Variants in NKAIN3 observed in about 807,000 individuals in gnomAD.
The protein encoded by NKAIN3 is sodium/potassium transporting ATPase interacting 3.
NKAIN3 carries 25 observed loss-of-function variants against 30.2 expected under a neutral mutation model. The ratio of observed to expected loss-of-function variants is 0.83; its 90% CI spans 0.60 to 1.16. The LOEUF is 1.16. Among genes scored for constraint, NKAIN3 ranks in the 50% most tolerant of loss-of-function variants. NKAIN3 has a pLI of 0.00. For missense variants in NKAIN3, 225 were observed against 254.1 expected (o/e 0.89, Z 0.78); for synonymous variants, 91 against 89.6 (o/e 1.02, Z -0.09).
intron 4 of NKAIN3, among the ~76,000 whole-genome samples, chr8:62,858,434 A>G (rs1586277236): frequency 6.6e-6 from 1 of 152,292 alleles, no homozygotes; most frequent in South Asian, 2.1e-4. Context: ...AGCACCCCAA[A>G]GCCCACAAGC....
At chr8:62,995,530 C>T (rs888843018) in intron 5 of NKAIN3, among the ~76,000 whole-genome samples, 1 of 151,712 alleles carries the variant, frequency 6.6e-6, no homozygotes, top group Non-Finnish European at 1.5e-5. Context: ...GGGTTGTTGC[C>T]GAACTAAAAA....
At chr8:62,678,755 A>G (rs900719018) in intron 3 of NKAIN3, among the ~76,000 whole-genome samples, 3 of 151,680 alleles carry the variant, frequency 2.0e-5, no homozygotes, top group Non-Finnish European at 4.4e-5. Context: ...AAAAATATCT[A>G]GAAAATAGTT....
chr8:62,860,083 A>T (rs984548340), intron 4 of NKAIN3, among the ~76,000 whole-genome samples: 4 of 152,164 alleles, frequency 2.6e-5, no homozygotes, highest in Non-Finnish European at 5.9e-5. Context: ...TTAAGCTTGG[A>T]TAGGTGGGTA....
At chr8:62,407,281 ATG>A (rs931868759) in intron 1 of NKAIN3, among the ~76,000 whole-genome samples, 1 of 151,404 alleles carries the variant, frequency 6.6e-6, no homozygotes, top group Non-Finnish European at 1.5e-5. Context: ...TTATATGTAT[ATG>A]TGTGTATATA....
At position 62,249,012 on chromosome 8, in the gene NKAIN3, G is replaced by A. The variant is rs779484912; in HGVS notation, c.-62G>A. On this transcript the variant is annotated 5_prime_UTR_variant, in exon 1 of 7. Transcript: ENST00000623646. ...GGCGGGGACTACTCCGGAGTCAGGA[G>A]GCAGCAGCGGCGGAGGACGAGGATC... 175 of 1,447,238 alleles carry A rather than the reference G, an allele frequency of 1.2e-4. No individual in the cohort carries two copies. The highest frequency in any genetic ancestry group is 1.5e-4 in the Non-Finnish European group (163 of 1,068,732). The allele number at this position is 1,447,238 out of a possible 1,614,324, so 89.6% of individuals were successfully genotyped here.
intron 4 of NKAIN3, among the ~76,000 whole-genome samples, chr8:62,859,540 G>C (rs916152241): frequency 1.4e-4 from 7 of 49,492 alleles, no homozygotes; most frequent in African/African-American, 3.5e-4. Context: ...AAGTAGCCTA[G>C]TTACATTTAA....
At position 62,867,099 on chromosome 8, in the gene NKAIN3, GAAA is replaced by G. The variant is rs10562561; in HGVS notation, c.472-51340_472-51338del. Among the ~76,000 whole-genome samples, 827 of 130,050 alleles carry G rather than the reference GAAA, an allele frequency of 6.4e-3. 5 individuals carry two copies. Among genetic ancestry groups the G allele is most frequent in the African/African-American group, 0.021 (748 of 35,660 alleles). The allele number at this position is 130,050 out of a possible 152,430, so 85.3% of individuals were successfully genotyped here. On this transcript the variant is annotated intron_variant, in intron 4 of 6. Transcript: ENST00000623646. ...ACTGTTTTGTTTTGCTTTGTTTCCA[GAAA>G]AAAAAAAAAAAAAGAAAAGGGTAAA...
chr8:62,306,393 A>T lies in NKAIN3; in HGVS notation c.54+57266A>T, dbSNP rs569656727. Among the ~76,000 whole-genome samples, 27 of 150,448 alleles carry T rather than the reference A, an allele frequency of 1.8e-4. 1 individual carries two copies. In the South Asian group the frequency reaches 5.2e-3, roughly 29 times the overall value. ...ACAATAAAACATTTCAGAAAGATAA[A>T]CTATTAAAGCAGAATGCAATAATTA... On this transcript the variant is annotated intron_variant, in intron 1 of 6. Transcript: ENST00000623646.
intron 3 of NKAIN3, among the ~76,000 whole-genome samples, chr8:62,684,397 T>C (rs1813733613): frequency 6.6e-6 from 1 of 152,222 alleles, no homozygotes; most frequent in Non-Finnish European, 1.5e-5. Context: ...TTCCACACCC[T>C]AACAAAGTCT....
chr8:62,812,803 C>T (rs903686594), intron 4 of NKAIN3, among the ~76,000 whole-genome samples: 6 of 151,784 alleles, frequency 4.0e-5, no homozygotes, highest in Admixed American at 2.0e-4. Context: ...GATGATGTCA[C>T]ACTTTAACTG....
intron 6 of NKAIN3, among the ~76,000 whole-genome samples, chr8:62,957,386 G>A (rs1028393430): frequency 2.0e-5 from 3 of 152,088 alleles, no homozygotes; most frequent in South Asian, 2.1e-4. Context: ...CGCCCCCTTC[G>A]GCCTCCCAAA....
At chr8:62,298,069 A>G (rs1315292393) in intron 1 of NKAIN3, among the ~76,000 whole-genome samples, 1 of 151,232 alleles carries the variant, frequency 6.6e-6, no homozygotes, top group Non-Finnish European at 1.5e-5. Context: ...AAACTATCAC[A>G]AGAACAAAAA....
chr8:62,715,942 T>A (rs1392083959), intron 3 of NKAIN3, among the ~76,000 whole-genome samples: 1 of 152,140 alleles, frequency 6.6e-6, no homozygotes, highest in Non-Finnish European at 1.5e-5. Flanking sequence ...GAAGATGACA[T>A]AAAGGCACTT....
At chr8:62,890,657 A>G (rs1367008535) in intron 4 of NKAIN3, among the ~76,000 whole-genome samples, 1 of 152,216 alleles carries the variant, frequency 6.6e-6, no homozygotes, top group Non-Finnish European at 1.5e-5. Context: ...CTGGAGCACC[A>G]TTAGATGTTG....
intron 5 of NKAIN3, among the ~76,000 whole-genome samples, chr8:62,944,760 A>G (rs35199982): frequency 0.09 from 13,681 of 152,220 alleles, 744 homozygotes; most frequent in East Asian, 0.23. Flanking sequence ...AATCTTGATG[A>G]GTAAGTCCTA....
chr8:62,878,002 T>C (rs1219059258), intron 4 of NKAIN3, among the ~76,000 whole-genome samples: 1 of 140,452 alleles, frequency 7.1e-6, no homozygotes, highest in Non-Finnish European at 1.5e-5. Flanking sequence ...ATTATGCCAT[T>C]GCACTCCAGC....
chr8:62,456,329 G>T (rs1292050700), intron 1 of NKAIN3, among the ~76,000 whole-genome samples: 3 of 151,970 alleles, frequency 2.0e-5, no homozygotes, highest in African/African-American at 7.3e-5. Flanking sequence ...AGACCATCTG[G>T]CTAACATGGT....
At chr8:62,777,400 G>A (rs1385051212) in intron 4 of NKAIN3, among the ~76,000 whole-genome samples, 3 of 150,286 alleles carry the variant, frequency 2.0e-5, no homozygotes, top group Non-Finnish European at 3.0e-5. Flanking sequence ...TTTTCTCTTT[G>A]GTATCCTATG....
intron 4 of NKAIN3, among the ~76,000 whole-genome samples, chr8:62,762,226 G>C (rs952444128): frequency 1.3e-5 from 2 of 151,912 alleles, no homozygotes; most frequent in Non-Finnish European, 2.9e-5. Context: ...TGAGGCAGAA[G>C]AATAGCTGGA....
Sources: allele counts gnomAD v4.1 joint callset (sites outside exome capture counted in the v4.1 genomes callset), GRCh38; gene constraint gnomAD v4.1.1; transcripts MANE v1.5; gene names NCBI Gene and HGNC (gene_info 2026-07-23, HGNC 2026-07-21).